The following ENAH variants were observed in gnomAD, a reference collection of about 807,000 sequenced individuals.
ENAH encodes protein enabled homolog.
In ENAH, 23 loss-of-function variants were observed where a neutral mutation model predicts 78.7. The ratio of observed to expected loss-of-function variants is 0.29; its 90% CI spans 0.21 to 0.41. The LOEUF is 0.41. ENAH is among the 10% of genes least tolerant of loss of function. The pLI is 1.00. For synonymous variants in ENAH, 226 were observed against 241.0 expected, an observed-to-expected ratio of 0.94 and a Z score of 0.58; for missense variants, 544 against 691.0, an observed-to-expected ratio of 0.79 and a Z score of 2.39.
chr1:225,606,842 C>CAAAA (rs59168194), intron 1 of ENAH, among the ~76,000 whole-genome samples: 13 of 49,038 alleles, frequency 2.7e-4, no homozygotes, highest in Non-Finnish European at 4.7e-4. Context: ...GACTCTGTCT[C>CAAAA]AAAAAAAAAA....
intron 1 of ENAH, among the ~76,000 whole-genome samples, chr1:225,572,135 A>T (rs1156839153): frequency 1.3e-5 from 2 of 152,016 alleles, no homozygotes; most frequent in Non-Finnish European, 2.9e-5. Context: ...GTCTACGTTA[A>T]CTCTGCACAG....
At chr1:225,517,403 G>A (rs917686065) in intron 5 of ENAH, 97 bp from the exon 6 acceptor site, 11 of 1,551,724 alleles carry the variant, frequency 7.1e-6, no homozygotes, top group Non-Finnish European at 9.6e-6. Flanking sequence ...CAGTGTGAGA[G>A]TGATGCGAGG....
At chr1:225,632,738 C>T (rs1659318483) in intron 1 of ENAH, among the ~76,000 whole-genome samples, 1 of 152,174 alleles carries the variant, frequency 6.6e-6, no homozygotes, top group Non-Finnish European at 1.5e-5. Flanking sequence ...TCTTGCTATA[C>T]CTAGGGGTTC....
rs528554655 is a variant in ENAH, at chr1:225,612,852, G to A, written c.5+39834C>T. ...ACTTACAATAATGCAAAAAAAAGGG[G>A]GGGAGGAGGGATCTAAATGCCAAAC... On this transcript the variant is annotated intron_variant, in intron 1 of 13. Transcript: ENST00000366843. Among the ~76,000 whole-genome samples the A allele has an allele frequency of 1.4e-3, 205 of 151,754 alleles. 1 individual carries two copies. Among genetic ancestry groups the A allele is most frequent in the African/African-American group, 4.8e-3 (199 of 41,526 alleles).
intron 5 of ENAH, chr1:225,517,539 A>G (rs1293890940): frequency 6.4e-7 from 1 of 1,551,544 alleles, no homozygotes; most frequent in South Asian, 1.2e-5. Flanking sequence ...GGGGCACAGG[A>G]GAAGAAACAC....
intron 7 of ENAH, among the ~76,000 whole-genome samples, 168 bp downstream of exon 7, chr1:225,514,428 G>GTGCAGGGATTA (rs2096401152): frequency 2.0e-5 from 3 of 151,936 alleles, no homozygotes; most frequent in African/African-American, 7.3e-5. Context: ...GCCTCCCAAA[G>GTGCAGGGATTA]TGCAGGGATT....
At chr1:225,565,956 A>T (rs2096732969) in intron 2 of ENAH, among the ~76,000 whole-genome samples, 1 of 152,158 alleles carries the variant, frequency 6.6e-6, no homozygotes, top group South Asian at 2.1e-4. Context: ...TAAATGGATA[A>T]ATCTGGTAAA....
intron 2 of ENAH, among the ~76,000 whole-genome samples, chr1:225,564,298 T>G (rs935332478): frequency 2.0e-5 from 3 of 149,288 alleles, no homozygotes; most frequent in Non-Finnish European, 4.5e-5. Context: ...GGGTTTTTTG[T>G]TTTTTTTTGA....
chr1:225,636,523 AC>A (rs1334091858), intron 1 of ENAH, among the ~76,000 whole-genome samples: 1 of 152,196 alleles, frequency 6.6e-6, no homozygotes, highest in Non-Finnish European at 1.5e-5. Flanking sequence ...CTGTCCCAAT[AC>A]CTTTATTAAA....
chr1:225,555,235 A>G lies in ENAH; in HGVS notation c.172-152T>C, dbSNP rs1379211991. ...AATTATCTGGGTAAAATCTACACAA[A>G]TATCAGTCTGATAGAAGTTAAGCTT... On this transcript the variant is annotated intron_variant, in intron 2 of 13. Transcript: ENST00000366843. 15 of 588,014 alleles carry G rather than the reference A, an allele frequency of 2.6e-5. 1 individual carries two copies. The East Asian group carries it at 3.9e-4, about 15-fold the overall frequency. The allele number at this position is 588,014 out of a possible 1,614,324, so 36.4% of individuals were successfully genotyped here.
intron 12 of ENAH, among the ~76,000 whole-genome samples, chr1:225,498,679 A>T (rs759904460): frequency 6.6e-6 from 1 of 152,238 alleles, no homozygotes; most frequent in Non-Finnish European, 1.5e-5. Flanking sequence ...CGTATGAGTC[A>T]GATAGTTTCT....
chr1:225,558,067 G>A (rs2096676340), intron 2 of ENAH, among the ~76,000 whole-genome samples: 1 of 151,962 alleles, frequency 6.6e-6, no homozygotes, highest in Non-Finnish European at 1.5e-5. Flanking sequence ...AACAATCTTG[G>A]TCCTCATATA....
intron 1 of ENAH, among the ~76,000 whole-genome samples, chr1:225,604,854 TG>T (rs2096949181): frequency 1.3e-5 from 2 of 151,960 alleles, no homozygotes; most frequent in African/African-American, 4.8e-5. Flanking sequence ...GATAAAGATA[TG>T]AAAAACATTA....
chr1:225,514,500 A>C, intron 7 of ENAH, 96 bp downstream of exon 7: 1 of 1,030,260 alleles, frequency 9.7e-7, no homozygotes, highest in Non-Finnish European at 1.5e-6. Flanking sequence ...AATGAAGTTC[A>C]TAACATTTCA....
rs1357692614 is a variant in ENAH at position 225,488,845 on chromosome 1, G to A, written c.*8930C>T. 6.6e-6 allele frequency: 1 copy of A among 152,184 alleles called. No homozygotes were observed. Among genetic ancestry groups the A allele is most frequent in the Non-Finnish European group, 1.5e-5 (1 of 68,040 alleles). 9.4% of individuals were successfully genotyped at this position (152,184 alleles called of 1,614,324 possible). On this transcript the variant is annotated 3_prime_UTR_variant, in exon 14 of 14. Coordinates refer to ENST00000366843, the MANE Select transcript of ENAH (RefSeq NM_018212.6). ...CTTTATCTTCCTAAGACGAAGCAAA[G>A]ACTCAGAGCCCTCAAATGGCACGGA... is the stretch of plus-strand genomic sequence containing the variant.
At chr1:225,615,669 G>A (rs1558913028) in intron 1 of ENAH, among the ~76,000 whole-genome samples, 1 of 151,532 alleles carries the variant, frequency 6.6e-6, no homozygotes, top group Admixed American at 6.6e-5. Flanking sequence ...CGTCTGGGAT[G>A]TGAGGAGCGC....
chr1:225,504,214 T>C (rs2096307718), intron 11 of ENAH, among the ~76,000 whole-genome samples: 1 of 151,870 alleles, frequency 6.6e-6, no homozygotes, highest in Admixed American at 6.6e-5. Flanking sequence ...TCGCTATGTT[T>C]CCCAGGCTGG....
At chr1:225,613,070 C>T (rs1558907611) in intron 1 of ENAH, among the ~76,000 whole-genome samples, 1 of 152,142 alleles carries the variant, frequency 6.6e-6, no homozygotes, top group Non-Finnish European at 1.5e-5. Flanking sequence ...TATGGTTTTG[C>T]TACGGACACT....
chr1:225,624,431 C>A (rs1218891593), intron 1 of ENAH, among the ~76,000 whole-genome samples: 1 of 152,068 alleles, frequency 6.6e-6, no homozygotes, highest in African/African-American at 2.4e-5. Flanking sequence ...TGAGACCAGC[C>A]TGGCCAACAT....
Sources: gnomAD v4.1 joint callset for allele counts (sites outside exome capture counted in the v4.1 genomes callset) on GRCh38, gnomAD v4.1.1 for gene constraint, MANE v1.5 for transcripts, NCBI Gene and HGNC (gene_info 2026-07-23, HGNC 2026-07-21) for gene names.